The following GTF2F2 variants were observed in gnomAD, a reference collection of about 807,000 sequenced individuals.
GTF2F2 encodes general transcription factor IIF subunit 2, also known as ATP-dependent helicase GTF2F2.
GTF2F2 carries 23 observed loss-of-function variants against 42.2 expected under a neutral mutation model. The ratio of observed to expected loss-of-function variants is 0.55; its 90% CI spans 0.39 to 0.77. The LOEUF (loss-of-function observed/expected upper bound fraction) is 0.77. Among genes scored for constraint, GTF2F2 ranks in the 30% least tolerant of loss-of-function variants. GTF2F2 has a pLI of 0.00. For synonymous variants in GTF2F2, 105 were observed against 100.8 expected (o/e 1.04, Z -0.25); for missense variants, 261 against 287.2 (o/e 0.91, Z 0.66).
chr13:45,208,921 T>G (rs1236937151), intron 5 of GTF2F2, among the ~76,000 whole-genome samples: 3 of 152,224 alleles, frequency 2.0e-5, no homozygotes, highest in Non-Finnish European at 4.4e-5. Context: ...GTAGTAAATT[T>G]TTGAAGTCTT....
intron 1 of GTF2F2, among the ~76,000 whole-genome samples, chr13:45,121,825 C>T (rs1868648300): frequency 1.3e-5 from 2 of 152,292 alleles, no homozygotes; most frequent in Non-Finnish European, 1.5e-5. Flanking sequence ...TGACTTATTT[C>T]CAAACTCAGT....
chr13:45,173,479 A>G (rs1024520994), intron 4 of GTF2F2, among the ~76,000 whole-genome samples: 16 of 151,764 alleles, frequency 1.1e-4, no homozygotes, highest in Admixed American at 6.6e-5. Context: ...TTCCATCACC[A>G]CAAGAATCCC....
chr13:45,178,624 T>C (rs1566124664), intron 4 of GTF2F2, among the ~76,000 whole-genome samples: 1 of 152,164 alleles, frequency 6.6e-6, no homozygotes, highest in Non-Finnish European at 1.5e-5. Flanking sequence ...TTTCTTTTTT[T>C]CTTTTTCTCC....
chr13:45,211,122 T>G (rs1356996031), intron 5 of GTF2F2, among the ~76,000 whole-genome samples: 1 of 152,190 alleles, frequency 6.6e-6, no homozygotes, highest in African/African-American at 2.4e-5. Flanking sequence ...GGCTCCCTGC[T>G]GTCCTGTGCA....
intron 4 of GTF2F2, among the ~76,000 whole-genome samples, chr13:45,201,158 A>G (rs1873161640): frequency 6.6e-6 from 1 of 152,192 alleles, no homozygotes; most frequent in Non-Finnish European, 1.5e-5. Flanking sequence ...TCTTCAAACT[A>G]GGGATGCCCT....
Position 45,124,151 on chromosome 13 carries a change from C to T in GTF2F2, c.66+3430C>T, listed in dbSNP as rs992175701. 53 of 584,456 alleles carry T rather than the reference C, an allele frequency of 9.1e-5. 1 individual carries two copies. The highest frequency in any genetic ancestry group is 2.9e-4 in the African/African-American group (16 of 54,586). 36.2% of individuals were successfully genotyped at this position (584,456 alleles called of 1,614,324 possible). ...CCCAGCATCTAAGGTGGCGCGATCT[C>T]GGCTCACTGCAAGCTCCACCTCGTG... On this transcript the variant is annotated intron_variant, in intron 1 of 7. Coordinates refer to ENST00000340473, the MANE Select transcript of GTF2F2 (RefSeq NM_004128.3).
At chr13:45,212,989 G>T (rs1873752500) in intron 5 of GTF2F2, among the ~76,000 whole-genome samples, 1 of 152,070 alleles carries the variant, frequency 6.6e-6, no homozygotes, top group Non-Finnish European at 1.5e-5. Flanking sequence ...TTATCCATCT[G>T]CCTCAGCCTC....
intron 5 of GTF2F2, among the ~76,000 whole-genome samples, chr13:45,246,646 T>C (rs977471388): frequency 6.6e-6 from 1 of 152,240 alleles, no homozygotes; most frequent in Admixed American, 6.5e-5. Flanking sequence ...AAAAATTCTC[T>C]GATTTTTCAT....
chr13:45,215,343 A>G (rs1017327582), intron 5 of GTF2F2, among the ~76,000 whole-genome samples: 2 of 152,270 alleles, frequency 1.3e-5, no homozygotes, highest in African/African-American at 4.8e-5. Flanking sequence ...TGTCTCCATT[A>G]AAAATGCACT....
chr13:45,167,202 A>G (rs547577105), intron 4 of GTF2F2, among the ~76,000 whole-genome samples: 1 of 151,192 alleles, frequency 6.6e-6, no homozygotes, highest in Non-Finnish European at 1.5e-5. Flanking sequence ...AAAAAGCCCT[A>G]CAGACACATA....
chr13:45,150,073 G>T (rs921815999), intron 3 of GTF2F2, among the ~76,000 whole-genome samples: 1 of 152,158 alleles, frequency 6.6e-6, no homozygotes, highest in Non-Finnish European at 1.5e-5. Context: ...TATTACTTCA[G>T]TGTGACAAAG....
rs1869701133 is a variant in GTF2F2 at position 45,137,703 on chromosome 13, T to C, written c.140+897T>C. Reference sequence around the variant, plus strand: ...AGAGGAAGCCCCAGTGCACAAGCACTTTGAAAGCCTGTGCTTGTGTCACAT... The same window carrying C: ...AGAGGAAGCCCCAGTGCACAAGCACCTTGAAAGCCTGTGCTTGTGTCACAT... On this transcript the variant is annotated intron_variant, in intron 2 of 7. Transcript: ENST00000340473. Among the ~76,000 whole-genome samples the C allele has an allele frequency of 2.6e-5, 4 of 152,202 alleles. No homozygotes were observed. In the South Asian group the frequency reaches 8.3e-4, roughly 31 times the overall value.
At chr13:45,176,324 A>T (rs897935308) in intron 4 of GTF2F2, among the ~76,000 whole-genome samples, 4 of 152,160 alleles carry the variant, frequency 2.6e-5, no homozygotes, top group South Asian at 2.1e-4. Context: ...TTATATTTAT[A>T]AAAAAATCTT....
chr13:45,275,294 A>G (rs1480576288), intron 7 of GTF2F2, among the ~76,000 whole-genome samples: 1 of 151,978 alleles, frequency 6.6e-6, no homozygotes, highest in East Asian at 1.9e-4. Context: ...CTGGATATAA[A>G]ATGGTGTTTA....
chr13:45,156,667 G>A lies in GTF2F2; in HGVS notation c.304+4836G>A, dbSNP rs185859195. Among the ~76,000 whole-genome samples the A allele has an allele frequency of 4.9e-4, 74 of 152,188 alleles. No homozygotes were observed. In the East Asian group the frequency reaches 5.8e-3, roughly 12 times the overall value. On this transcript the variant is annotated intron_variant, in intron 4 of 7. Coordinates refer to ENST00000340473, the MANE Select transcript of GTF2F2 (RefSeq NM_004128.3). Reference sequence around the variant, plus strand: ...TTTTGACAGCTTTTGGTGATGAATCGGCTGTGAGGAAATTGGAAGATTGAG... The same window carrying A: ...TTTTGACAGCTTTTGGTGATGAATCAGCTGTGAGGAAATTGGAAGATTGAG...
intron 4 of GTF2F2, among the ~76,000 whole-genome samples, chr13:45,180,997 C>A (rs759939222): frequency 6.6e-6 from 1 of 151,620 alleles, no homozygotes; most frequent in Non-Finnish European, 1.5e-5. Context: ...CCCGTCTCTA[C>A]CAAAAAATAC....
At chr13:45,259,903 T>C (rs1413140195) in intron 6 of GTF2F2, among the ~76,000 whole-genome samples, 1 of 152,074 alleles carries the variant, frequency 6.6e-6, no homozygotes, top group African/African-American at 2.4e-5. Flanking sequence ...CCTAGAACTT[T>C]TAAAAAGAAT....
Position 45,194,791 on chromosome 13 carries a change from G to C in GTF2F2, c.305-12633G>C, listed in dbSNP as rs981888752. The C allele has an allele frequency of 1.3e-5, 7 of 543,940 alleles. No homozygotes were observed. In the Admixed American group the frequency reaches 2.0e-4, roughly 16 times the overall value. The allele number at this position is 543,940 out of a possible 1,614,324, so 33.7% of individuals were successfully genotyped here. ...CGGAAAAGAGAATTTGCATTTAACT[G>C]TATCAGGGAAGGGATTTGTTGTGAA... On this transcript the variant is annotated intron_variant, in intron 4 of 7. Coordinates refer to ENST00000340473, the MANE Select transcript of GTF2F2 (RefSeq NM_004128.3).
chr13:45,215,035 A>G (rs1873833077), intron 5 of GTF2F2, among the ~76,000 whole-genome samples: 1 of 152,232 alleles, frequency 6.6e-6, no homozygotes, highest in Non-Finnish European at 1.5e-5. Context: ...ATATGATTAT[A>G]AAACATTCAA....
Sources: gnomAD v4.1 joint callset for allele counts (sites outside exome capture counted in the v4.1 genomes callset) on GRCh38, gnomAD v4.1.1 for gene constraint, MANE v1.5 for transcripts, NCBI Gene and HGNC (gene_info 2026-07-23, HGNC 2026-07-21) for gene names.